ENOX2: variants seen among roughly 807,000 people sequenced by gnomAD.
The protein encoded by ENOX2 is ecto-NOX disulfide-thiol exchanger 2.
In ENOX2, 36 loss-of-function variants were observed where a neutral mutation model predicts 45.0. The observed-to-expected ratio is 0.80, with a 90% CI of 0.61 to 1.06. The LOEUF (loss-of-function observed/expected upper bound fraction) is 1.06. ENOX2 is among the 50% of genes least tolerant of loss of function. ENOX2 has a pLI of 0.00. For synonymous variants in ENOX2, 174 were observed against 152.3 expected (o/e 1.14, Z -1.05); for missense variants, 423 against 462.5 (o/e 0.91, Z 0.78).
In ENOX2 at chrX:130,622,682, T is replaced by C. The variant is rs1259553860; in HGVS notation, c.*2632A>G. ...AACCATAAATAGCACTGAGACTTTG[T>C]AGGAAAAAGCAGCTTCATTAATAGA... On this transcript the variant is annotated 3_prime_UTR_variant, in exon 15 of 15. Transcript: ENST00000394363. Among the ~76,000 whole-genome samples, 1 of 112,124 alleles carries C rather than the reference T, an allele frequency of 8.9e-6. No individual in the cohort carries two copies. The highest frequency in any genetic ancestry group is 1.9e-5 in the Non-Finnish European group (1 of 53,261).
At chrX:130,752,779 ACT>A (rs2039257117) in intron 3 of ENOX2, among the ~76,000 whole-genome samples, 1 of 106,249 alleles carries the variant, frequency 9.4e-6, no homozygotes, top group African/African-American at 3.4e-5. Context: ...CATCTGGCCA[ACT>A]CTCTCTGTCT....
chrX:130,887,293 T>C (rs1346140285), intron 2 of ENOX2, among the ~76,000 whole-genome samples: 1 of 111,499 alleles, frequency 9.0e-6, no homozygotes, highest in Non-Finnish European at 1.9e-5. Context: ...TATTCTCTCC[T>C]TACCCTCTTC....
At chrX:130,768,224 A>T (rs1331592643) in intron 3 of ENOX2, among the ~76,000 whole-genome samples, 2 of 112,103 alleles carry the variant, frequency 1.8e-5, no homozygotes, top group Admixed American at 9.5e-5. Flanking sequence ...CACAAAATCA[A>T]GGCATAGTTC....
rs773265323 is a variant in ENOX2 at position 130,831,336 on chromosome X, C to A, written c.-182-47646G>T. ...AAACCACGGTTGCAGTCAAAGTAGT[C>A]TTTTAAAAAGTGTAAAACAATTCAT... On this transcript the variant is annotated intron_variant, in intron 2 of 14. Transcript: ENST00000394363. Among the ~76,000 whole-genome samples the A allele has an allele frequency of 2.7e-5, 3 of 111,849 alleles. No individual in the cohort carries two copies. In the East Asian group the frequency reaches 8.4e-4, roughly 31 times the overall value.
At position 130,891,969 on chromosome X, in the gene ENOX2, G is replaced by T. The variant is rs1254081438; in HGVS notation, c.-183+9715C>A. Among the ~76,000 whole-genome samples, 3 of 111,894 alleles carry T rather than the reference G, an allele frequency of 2.7e-5. 1 individual carries two copies. Among genetic ancestry groups the T allele is most frequent in the Non-Finnish European group, 5.6e-5 (3 of 53,174 alleles). ...TGAATTCTGTCTTATGGACAATACA[G>T]TTAACCATGCTTTGTCTCAAGTTTT... On this transcript the variant is annotated intron_variant, in intron 2 of 14. Coordinates refer to ENST00000394363, the MANE Select transcript of ENOX2 (RefSeq NM_006375.4).
chrX:130,754,844 T>C (rs942940707), intron 3 of ENOX2, among the ~76,000 whole-genome samples: 1 of 111,576 alleles, frequency 9.0e-6, no homozygotes, highest in Non-Finnish European at 1.9e-5. Context: ...CTCTGCATCA[T>C]GCAGAATACT....
chrX:130,730,944 T>C (rs1362050010), intron 3 of ENOX2, among the ~76,000 whole-genome samples: 2 of 111,453 alleles, frequency 1.8e-5, no homozygotes, highest in East Asian at 5.6e-4. Context: ...GTGTTGATGT[T>C]AATGCTGGAG....
At chrX:130,828,077 T>C (rs182403290) in intron 2 of ENOX2, among the ~76,000 whole-genome samples, 2 of 112,189 alleles carry the variant, frequency 1.8e-5, no homozygotes, top group African/African-American at 3.2e-5. Context: ...AATATCCGAG[T>C]TGATGCTCCA....
chrX:130,725,195 GT>G (rs748382026), intron 3 of ENOX2, among the ~76,000 whole-genome samples: 4 of 109,783 alleles, frequency 3.6e-5, no homozygotes, highest in Non-Finnish European at 5.7e-5. Flanking sequence ...TGTTAAACAT[GT>G]TTTTTTTCTT....
In ENOX2 at chrX:130,691,968, T is replaced by C. The variant is rs570023611; in HGVS notation, c.98-2950A>G. On this transcript the variant is annotated intron_variant, in intron 4 of 14. Coordinates refer to ENST00000394363, the MANE Select transcript of ENOX2 (RefSeq NM_006375.4). ...ATTACATTAATATTTTATAAATTCA[T>C]TTAAAAGCAAACGTATTCATTGCAT... is the stretch of plus-strand genomic sequence containing the variant. Among the ~76,000 whole-genome samples the C allele has an allele frequency of 5.7e-4, 65 of 113,380 alleles. 1 individual carries two copies. The highest frequency in any genetic ancestry group is 2.0e-3 in the African/African-American group (63 of 31,286).
intron 2 of ENOX2, among the ~76,000 whole-genome samples, chrX:130,871,226 G>C (rs912372538): frequency 5.4e-5 from 6 of 111,441 alleles, no homozygotes; most frequent in Non-Finnish European, 1.1e-4. Context: ...GTAATATTGA[G>C]TGAAATCTTA....
intron 5 of ENOX2, among the ~76,000 whole-genome samples, chrX:130,680,358 C>A (rs1336396303): frequency 1.8e-5 from 2 of 111,335 alleles, no homozygotes; most frequent in Non-Finnish European, 3.8e-5. Context: ...TCCTCAAATT[C>A]CTTGCTGGAG....
At chrX:130,781,124 A>G (rs1486993695) in intron 3 of ENOX2, among the ~76,000 whole-genome samples, 1 of 112,135 alleles carries the variant, frequency 8.9e-6, no homozygotes, top group African/African-American at 3.2e-5. Context: ...CAATTATAAA[A>G]TTGTTCAAGT....
chrX:130,765,335 C>A (rs1335219445), intron 3 of ENOX2, among the ~76,000 whole-genome samples: 2 of 111,144 alleles, frequency 1.8e-5, no homozygotes, highest in Non-Finnish European at 3.8e-5. Context: ...CTCCTCCTAG[C>A]CAAGGTAACC....
At chrX:130,731,050 T>C (rs1225156992) in intron 3 of ENOX2, among the ~76,000 whole-genome samples, 2 of 110,853 alleles carry the variant, frequency 1.8e-5, no homozygotes, top group Non-Finnish European at 3.8e-5. Flanking sequence ...GAGGGATACA[T>C]TCAGATGGTT....
At chrX:130,733,482 T>C (rs1382558239) in intron 3 of ENOX2, among the ~76,000 whole-genome samples, 1 of 111,493 alleles carries the variant, frequency 9.0e-6, no homozygotes, top group Non-Finnish European at 1.9e-5. Context: ...CCCAGAGAAA[T>C]GAAGACTTAA....
At chrX:130,668,076 T>TGTGAGA (rs1275805295) in intron 7 of ENOX2, among the ~76,000 whole-genome samples, 8 of 102,420 alleles carry the variant, frequency 7.8e-5, no homozygotes, top group African/African-American at 2.8e-4. Flanking sequence ...TGTGTGTGTG[T>TGTGAGA]GAGAGAGAGA....
At position 130,625,040 on chromosome X, in the gene ENOX2, T is replaced by C. The variant is rs1421243858; in HGVS notation, c.*274A>G. 3.8e-6 allele frequency: 1 copy of C among 266,646 alleles called. No homozygotes were observed. The highest frequency in any genetic ancestry group is 6.6e-6 in the Non-Finnish European group (1 of 151,771). 22.0% of individuals were successfully genotyped at this position (266,646 alleles called of 1,213,427 possible). On this transcript the variant is annotated 3_prime_UTR_variant, in exon 15 of 15. Transcript: ENST00000394363. ...CAGACACTGAAAACACTCCAAATAC[T>C]GTTTAGCATCAGGACTTTTGCAATA...
At chrX:130,891,490 GTTTT>G (rs140444679) in intron 2 of ENOX2, among the ~76,000 whole-genome samples, 4 of 44,568 alleles carry the variant, frequency 9.0e-5, no homozygotes, top group African/African-American at 2.3e-4. Context: ...ACACTATATG[GTTTT>G]TTTTTTTTTT....
Sources: allele counts gnomAD v4.1 joint callset (sites outside exome capture counted in the v4.1 genomes callset), GRCh38; gene constraint gnomAD v4.1.1; transcripts MANE v1.5; gene names NCBI Gene and HGNC (gene_info 2026-07-23, HGNC 2026-07-21).